The following CHST9 variants were observed in gnomAD, a reference collection of about 807,000 sequenced individuals.
CHST9 encodes the protein GalNAc-4-sulfotransferase 2.
Under a neutral mutation model 44.4 loss-of-function variants are expected in CHST9, and 41 were observed. The observed-to-expected ratio is 0.92, with a 90% CI of 0.72 to 1.20. CHST9 has a LOEUF of 1.20. Among genes scored for constraint, CHST9 ranks in the 50% most tolerant of loss-of-function variants. The pLI, the probability that CHST9 is intolerant of heterozygous loss-of-function variation, is 0.00. For missense variants in CHST9, 504 were observed against 516.5 expected, an observed-to-expected ratio of 0.98 and a Z score of 0.23; for synonymous variants, 171 against 178.4, an observed-to-expected ratio of 0.96 and a Z score of 0.33.
intron 3 of CHST9, among the ~76,000 whole-genome samples, chr18:27,044,944 C>T (rs2057482616): frequency 2.0e-5 from 3 of 150,994 alleles, no homozygotes; most frequent in Admixed American, 6.6e-5. Flanking sequence ...TTCCAAGCAT[C>T]AACACACTCA....
At chr18:27,124,159 T>C (rs1189550170) in intron 2 of CHST9, among the ~76,000 whole-genome samples, 1 of 152,152 alleles carries the variant, frequency 6.6e-6, no homozygotes, top group Non-Finnish European at 1.5e-5. Context: ...ATCCAGATGC[T>C]AAAAATACAC....
At chr18:26,918,333 T>C (rs967443464) in intron 5 of CHST9, among the ~76,000 whole-genome samples, 3 of 152,128 alleles carry the variant, frequency 2.0e-5, no homozygotes, top group African/African-American at 7.2e-5. Context: ...ATGGACTGGA[T>C]ATATACATAT....
At chr18:27,004,461 T>G (rs951540460) in intron 4 of CHST9, among the ~76,000 whole-genome samples, 1 of 152,164 alleles carries the variant, frequency 6.6e-6, no homozygotes, top group South Asian at 2.1e-4. Flanking sequence ...CCACTTTTAA[T>G]GGTCCTTTTT....
At chr18:27,096,644 T>TA (rs879266980) in intron 2 of CHST9, among the ~76,000 whole-genome samples, 3 of 151,888 alleles carry the variant, frequency 2.0e-5, no homozygotes, top group Admixed American at 6.6e-5. Context: ...GTAGAGAGTA[T>TA]TATTAACACC....
chr18:26,975,725 G>GTCTATA (rs1383045273), intron 4 of CHST9, among the ~76,000 whole-genome samples: 1 of 101,840 alleles, frequency 9.8e-6, no homozygotes, highest in Non-Finnish European at 1.9e-5. Context: ...GTGTGTGTGT[G>GTCTATA]TATATATATA....
At chr18:27,174,937 T>G (rs552544972) in intron 1 of CHST9, among the ~76,000 whole-genome samples, 1 of 152,128 alleles carries the variant, frequency 6.6e-6, no homozygotes, top group Non-Finnish European at 1.5e-5. Flanking sequence ...TTCAAGAGTT[T>G]CCCCTAAACT....
At chr18:27,099,819 A>C (rs1206777753) in intron 2 of CHST9, among the ~76,000 whole-genome samples, 2 of 152,104 alleles carry the variant, frequency 1.3e-5, no homozygotes, top group African/African-American at 4.8e-5. Context: ...TAATTCCTTT[A>C]ATTTCTCAAA....
chr18:27,092,828 A>G (rs1005340062), intron 2 of CHST9, among the ~76,000 whole-genome samples: 3 of 151,892 alleles, frequency 2.0e-5, no homozygotes, highest in Non-Finnish European at 4.4e-5. Context: ...TATAATTTCT[A>G]TTTTTTTACA....
At chr18:26,992,628 T>A (rs2056834542) in intron 4 of CHST9, among the ~76,000 whole-genome samples, 1 of 152,160 alleles carries the variant, frequency 6.6e-6, no homozygotes, top group Non-Finnish European at 1.5e-5. Flanking sequence ...TTCTTTTTTT[T>A]TTTTAAAGGA....
intron 1 of CHST9, among the ~76,000 whole-genome samples, chr18:27,160,317 G>T (rs996124457): frequency 6.6e-6 from 1 of 152,170 alleles, no homozygotes; most frequent in African/African-American, 2.4e-5. Flanking sequence ...TTTTTAGCAT[G>T]AAGAGTTGTT....
intron 3 of CHST9, among the ~76,000 whole-genome samples, chr18:27,037,643 T>G (rs963917145): frequency 3.3e-5 from 5 of 152,120 alleles, no homozygotes; most frequent in Non-Finnish European, 7.4e-5. Context: ...CAGTGAGCTG[T>G]GATTCTGCCA....
At chr18:27,061,702 C>T (rs183018164) in intron 2 of CHST9, among the ~76,000 whole-genome samples, 1 of 152,070 alleles carries the variant, frequency 6.6e-6, no homozygotes, top group East Asian at 1.9e-4. Flanking sequence ...TATCAATGGC[C>T]CCAGTGCACG....
chr18:27,000,630 A>ATCTC (rs1420210106), intron 4 of CHST9, among the ~76,000 whole-genome samples: 1 of 150,466 alleles, frequency 6.6e-6, no homozygotes, highest in African/African-American at 2.4e-5. Context: ...TTGTCTATCT[A>ATCTC]TCTATCTATC....
rs369360688 is a variant in CHST9 at position 27,175,830 on chromosome 18, GTTAA to G, written c.-97+9302_-97+9305del. Among the ~76,000 whole-genome samples, 59 of 152,052 alleles carry G rather than the reference GTTAA, an allele frequency of 3.9e-4. No individual in the cohort carries two copies. In the South Asian group the frequency reaches 0.012, roughly 31 times the overall value. Reference sequence around the variant, plus strand: ...AACCAGATGGATCCCTATCTTAGCGGTTAATTAAATAATTATACAAATAAATGTG... The same window carrying G: ...AACCAGATGGATCCCTATCTTAGCGGTTAAATAATTATACAAATAAATGTG... On this transcript the variant is annotated intron_variant, in intron 1 of 5. Coordinates refer to ENST00000618847, the MANE Select transcript of CHST9 (RefSeq NM_031422.6).
At chr18:27,140,742 AG>A (rs2058557627) in intron 2 of CHST9, among the ~76,000 whole-genome samples, 1 of 152,202 alleles carries the variant, frequency 6.6e-6, no homozygotes, top group South Asian at 2.1e-4. Context: ...ATCTATGCTA[AG>A]GGTTATATTT....
intron 2 of CHST9, among the ~76,000 whole-genome samples, chr18:27,140,006 C>T (rs917334793): frequency 2.9e-4 from 44 of 152,146 alleles, no homozygotes; most frequent in African/African-American, 9.9e-4. Flanking sequence ...TCAGGGATTC[C>T]GACAATTAGG....
At chr18:27,059,759 AG>A (rs564352736) in intron 2 of CHST9, among the ~76,000 whole-genome samples, 178 of 152,304 alleles carry the variant, frequency 1.2e-3, no homozygotes, top group African/African-American at 4.2e-3. Flanking sequence ...ATGTCAGTAC[AG>A]GTTTTAATCC....
intron 2 of CHST9, among the ~76,000 whole-genome samples, chr18:27,082,168 A>G (rs886705127): frequency 6.6e-6 from 1 of 152,262 alleles, no homozygotes; most frequent in Non-Finnish European, 1.5e-5. Flanking sequence ...GACAAAGGAC[A>G]TCCACATATG....
chr18:27,153,587 T>C (rs1458056083), intron 1 of CHST9, among the ~76,000 whole-genome samples: 1 of 151,834 alleles, frequency 6.6e-6, no homozygotes. Context: ...TGTGTGTGTG[T>C]GTGCCTTCTC....
Sources: allele counts gnomAD v4.1 joint callset (sites outside exome capture counted in the v4.1 genomes callset), GRCh38; gene constraint gnomAD v4.1.1; transcripts MANE v1.5; gene names NCBI Gene and HGNC (gene_info 2026-07-23, HGNC 2026-07-21).